SEMA6A: variants seen among roughly 807,000 people sequenced by gnomAD.
The protein encoded by SEMA6A is semaphorin 6A, also known as semaphorin-6A.
SEMA6A carries 25 observed loss-of-function variants against 96.8 expected under a neutral mutation model. The observed-to-expected ratio is 0.26, with a 90% CI of 0.19 to 0.36. The LOEUF (loss-of-function observed/expected upper bound fraction) is 0.36, where lower values mean the gene tolerates loss of function less well. SEMA6A is among the 10% of genes least tolerant of loss of function. SEMA6A has a pLI of 1.00. For synonymous variants in SEMA6A, 612 were observed against 518.0 expected, an observed-to-expected ratio of 1.18 and a Z score of -2.46; for missense variants, 1,363 against 1,323.1, an observed-to-expected ratio of 1.03 and a Z score of -0.47.
chr5:116,486,659 A>T, intron 10 of SEMA6A, 90 bp downstream of exon 10: 1 of 1,012,148 alleles, frequency 9.9e-7, no homozygotes, highest in Non-Finnish European at 1.5e-6. Context: ...ATTTTCAGTC[A>T]GTTGCAAATA....
intron 18 of SEMA6A, among the ~76,000 whole-genome samples, chr5:116,460,903 A>G (rs1755355124): frequency 6.6e-6 from 1 of 150,840 alleles, no homozygotes; most frequent in South Asian, 2.1e-4. Context: ...CCCTTGCCTC[A>G]GCTTCCCAAG....
At chr5:116,522,534 C>T (rs527665459) in intron 1 of SEMA6A, among the ~76,000 whole-genome samples, 20 of 152,246 alleles carry the variant, frequency 1.3e-4, no homozygotes, top group African/African-American at 4.3e-4. Context: ...GTGGTTTACA[C>T]AGCACTATAA....
chr5:116,556,348 C>A (rs747213383), intron 1 of SEMA6A, among the ~76,000 whole-genome samples: 1 of 152,184 alleles, frequency 6.6e-6, no homozygotes. Context: ...ATCTCCTCAT[C>A]ATCTTTTTAG....
At chr5:116,533,411 A>G (rs186638783) in intron 1 of SEMA6A, among the ~76,000 whole-genome samples, 51 of 152,230 alleles carry the variant, frequency 3.4e-4, no homozygotes, top group African/African-American at 1.2e-3. Context: ...GCATTTTTCA[A>G]TGCTGACATG....
At chr5:116,465,996 T>A (rs1755707592) in intron 18 of SEMA6A, among the ~76,000 whole-genome samples, 1 of 150,082 alleles carries the variant, frequency 6.7e-6, no homozygotes, top group Admixed American at 6.7e-5. Flanking sequence ...CCTGGAGCTT[T>A]CTCGGGATGG....
At chr5:116,536,649 A>C (rs1196495432) in intron 1 of SEMA6A, among the ~76,000 whole-genome samples, 1 of 152,188 alleles carries the variant, frequency 6.6e-6, no homozygotes, top group East Asian at 1.9e-4. Flanking sequence ...CAATATGCTT[A>C]TCAGGGTCTG....
intron 18 of SEMA6A, among the ~76,000 whole-genome samples, chr5:116,466,709 TCC>T: frequency 6.6e-6 from 1 of 152,232 alleles, no homozygotes. Flanking sequence ...AAACTCAAAC[TCC>T]CGCTTGGATG....
chr5:116,559,886 A>C (rs1212655132), intron 1 of SEMA6A, among the ~76,000 whole-genome samples: 1 of 152,162 alleles, frequency 6.6e-6, no homozygotes, highest in African/African-American at 2.4e-5. Flanking sequence ...TAGCAGATTT[A>C]TACTTCTAAA....
intron 1 of SEMA6A, among the ~76,000 whole-genome samples, chr5:116,567,392 GC>G (rs918654014): frequency 1.3e-5 from 2 of 151,674 alleles, no homozygotes; most frequent in Admixed American, 6.6e-5. Context: ...TATTTCCCCT[GC>G]CCCCCAGAAT....
chr5:116,506,033 T>C (rs1758129642), intron 1 of SEMA6A, among the ~76,000 whole-genome samples: 2 of 152,230 alleles, frequency 1.3e-5, no homozygotes, highest in Non-Finnish European at 2.9e-5. Context: ...CCAAAGATTA[T>C]CTTTTTTGAA....
intron 17 of SEMA6A, chr5:116,472,642 C>T: frequency 2.3e-6 from 1 of 443,004 alleles, no homozygotes. Context: ...CACCAAATTC[C>T]CTAAGGTTGG....
chr5:116,522,409 G>T (rs1036198842), intron 1 of SEMA6A, among the ~76,000 whole-genome samples: 6 of 152,166 alleles, frequency 3.9e-5, no homozygotes, highest in Non-Finnish European at 2.9e-5. Flanking sequence ...AGTATGGTCA[G>T]CCAATAGAAA....
At chr5:116,487,069 C>A in intron 9 of SEMA6A, 103 bp from the exon 10 acceptor site, 4 of 720,492 alleles carry the variant, frequency 5.6e-6, no homozygotes, top group Non-Finnish European at 9.4e-6. Flanking sequence ...CAACAAGGTG[C>A]TTAATACTGT....
At chr5:116,484,343 C>T (rs934856146) in intron 10 of SEMA6A, among the ~76,000 whole-genome samples, 1 of 152,146 alleles carries the variant, frequency 6.6e-6, no homozygotes, top group Non-Finnish European at 1.5e-5. Flanking sequence ...TCCTTCCTTA[C>T]ATTTCTCTCC....
chr5:116,506,963 T>C (rs189937285), intron 1 of SEMA6A, among the ~76,000 whole-genome samples: 32 of 152,312 alleles, frequency 2.1e-4, no homozygotes, highest in Admixed American at 1.3e-3. Context: ...CCTGCTACTT[T>C]ATTATATCCC....
rs1188356762 is a variant in SEMA6A, at chr5:116,467,716, G to T, written c.1761C>A (p.Thr587=). 6.2e-7 allele frequency: 1 copy of T among 1,613,696 alleles called. No homozygotes were observed. The highest frequency in any genetic ancestry group is 1.3e-5 in the African/African-American group (1 of 74,900). Residue 587 remains threonine (T), a synonymous_variant, in exon 18 of 19, where the codon ACC becomes ACA. Coordinates refer to ENST00000343348, the MANE Select transcript of SEMA6A (RefSeq NM_020796.5). ...GHSSSLLPST[T]TSDSTAQEGY... ...CCTCTTGAGCCGTCGAATCTGATGT[G>T]GTTGTGCTGGGCAAGAGGGAACTGG...
intron 1 of SEMA6A, among the ~76,000 whole-genome samples, chr5:116,555,675 A>G (rs1430395706): frequency 6.6e-6 from 1 of 151,640 alleles, no homozygotes; most frequent in Non-Finnish European, 1.5e-5. Flanking sequence ...CCCCCCTCAA[A>G]AAAAAAAAAT....
intron 1 of SEMA6A, among the ~76,000 whole-genome samples, chr5:116,536,027 T>TAA: frequency 6.6e-6 from 1 of 152,218 alleles, no homozygotes; most frequent in Non-Finnish European, 1.5e-5. Context: ...CCCACATGGC[T>TAA]TTTAGTTCAG....
chr5:116,521,752 G>A (rs914673108), intron 1 of SEMA6A, among the ~76,000 whole-genome samples: 1 of 152,190 alleles, frequency 6.6e-6, no homozygotes, highest in Non-Finnish European at 1.5e-5. Flanking sequence ...GAGAGAATGT[G>A]TGAAAGGCTG....
Sources: gnomAD v4.1 joint callset for allele counts (sites outside exome capture counted in the v4.1 genomes callset) on GRCh38, gnomAD v4.1.1 for gene constraint, MANE v1.5 for transcripts, NCBI Gene and HGNC (gene_info 2026-07-23, HGNC 2026-07-21) for gene names.